The following MYO16 variants were observed in gnomAD, a reference collection of about 807,000 sequenced individuals.
MYO16 encodes the protein unconventional myosin-XVI.
In MYO16, 94 loss-of-function variants were observed where a neutral mutation model predicts 205.3. The ratio of observed to expected loss-of-function variants is 0.46; its 90% confidence interval spans 0.39 to 0.54. MYO16 has a LOEUF of 0.54. MYO16 is among the 20% of genes least tolerant of loss of function. The probability of loss-of-function intolerance (pLI) is 0.00; values close to 1 mark genes in which losing one functional copy is unlikely to be tolerated. For missense variants in MYO16, 2,315 were observed against 2,387.5 expected, an observed-to-expected ratio of 0.97 and a Z score of 0.63; for synonymous variants, 988 against 954.0, an observed-to-expected ratio of 1.04 and a Z score of -0.66.
chr13:108,647,849 CA>C (rs1311161175), intron 1 of MYO16, among the ~76,000 whole-genome samples: 2 of 152,140 alleles, frequency 1.3e-5, no homozygotes. Flanking sequence ...TTGCATATAG[CA>C]AATTCCAAAT....
chr13:108,759,775 G>C (rs1048128112), intron 4 of MYO16, among the ~76,000 whole-genome samples: 3 of 149,600 alleles, frequency 2.0e-5, no homozygotes, highest in Non-Finnish European at 3.0e-5. Context: ...AGCCGAGATC[G>C]CGCCACTGCA....
At chr13:108,726,423 G>A (rs1294497528) in intron 3 of MYO16, among the ~76,000 whole-genome samples, 1 of 151,968 alleles carries the variant, frequency 6.6e-6, no homozygotes, top group Non-Finnish European at 1.5e-5. Flanking sequence ...GCTGGGTGTG[G>A]TGGCATGCAC....
At chr13:109,001,930 C>CTT (rs1885226902) in intron 21 of MYO16, among the ~76,000 whole-genome samples, 1 of 151,514 alleles carries the variant, frequency 6.6e-6, no homozygotes, top group Non-Finnish European at 1.5e-5. Context: ...CTCTCTCTCT[C>CTT]TGTGTGTCTG....
chr13:108,787,898 C>G (rs1429879088), intron 5 of MYO16, among the ~76,000 whole-genome samples: 2 of 152,182 alleles, frequency 1.3e-5, no homozygotes, highest in Non-Finnish European at 2.9e-5. Flanking sequence ...GGTCTTCCTC[C>G]CACTATCTCC....
At chr13:109,056,261 G>A (rs1887415783) in intron 27 of MYO16, among the ~76,000 whole-genome samples, 1 of 152,050 alleles carries the variant, frequency 6.6e-6, no homozygotes, top group African/African-American at 2.4e-5. Flanking sequence ...CTCTTGTCAC[G>A]TGTCCTCATC....
chr13:109,173,055 G>A (rs1405078178), intron 33 of MYO16, among the ~76,000 whole-genome samples: 1 of 152,224 alleles, frequency 6.6e-6, no homozygotes, highest in Non-Finnish European at 1.5e-5. Flanking sequence ...GAGTTCAGGG[G>A]AAGGGTCTAT....
chr13:108,683,346 C>T (rs1239587684), intron 2 of MYO16, among the ~76,000 whole-genome samples: 1 of 152,120 alleles, frequency 6.6e-6, no homozygotes, highest in Non-Finnish European at 1.5e-5. Flanking sequence ...CCTTTCCTTC[C>T]TTCCTCCTGT....
chr13:108,787,202 G>A (rs993201088), intron 5 of MYO16, among the ~76,000 whole-genome samples: 1 of 152,028 alleles, frequency 6.6e-6, no homozygotes, highest in Non-Finnish European at 1.5e-5. Flanking sequence ...TGAAGGTGAT[G>A]GATATATTTA....
intron 4 of MYO16, among the ~76,000 whole-genome samples, chr13:108,735,850 T>C (rs1017255606): frequency 6.6e-6 from 1 of 152,036 alleles, no homozygotes; most frequent in East Asian, 1.9e-4. Flanking sequence ...TGGTGTGAGA[T>C]GGTATCTCAT....
upstream of MYO16, among the ~76,000 whole-genome samples, chr13:108,627,098 A>T (rs1444077453): frequency 6.6e-6 from 1 of 151,088 alleles, no homozygotes; most frequent in Non-Finnish European, 1.5e-5. Context: ...TACCATTTTT[A>T]AAAAATTTTA....
chr13:109,141,326 G>C lies in MYO16; in HGVS notation c.5114G>C (p.Arg1705Thr). ...CTCGCCAGCCTCTTCAACTCGGGGA[G>C]GAGTGTGCTTCGGAAATCCGCGGCG... ...DELASLFNSGRSVLRKSAAGR... is the reference protein window; with the variant it reads ...DELASLFNSGTSVLRKSAAGR... Residue 1705 changes from arginine to threonine, a missense_variant, in exon 32 of 35, where the codon AGG becomes ACG. Around this residue, in one of 3 missense-constraint regions of MYO16, gnomAD observed 1,097 missense variants for 1,092.0 expected, o/e 1.00. Transcript: ENST00000457511. The surrounding 1 kb of genome is among the most constrained non-coding windows in gnomAD (Gnocchi z 4.1). 6.4e-7 allele frequency: 1 copy of C among 1,571,140 alleles called. No homozygotes were observed. The highest frequency in any genetic ancestry group is 8.6e-7 in the Non-Finnish European group (1 of 1,162,174).
chr13:108,870,631 T>C (rs200105717), intron 12 of MYO16, among the ~76,000 whole-genome samples: 2 of 119,040 alleles, frequency 1.7e-5, no homozygotes, highest in African/African-American at 6.1e-5. Flanking sequence ...AATTATGTTA[T>C]ATTTAATCTT....
At chr13:108,525,590 G>A in the MYO16 span, among the ~76,000 whole-genome samples, 1 of 152,156 alleles carries the variant, frequency 6.6e-6, no homozygotes, top group Non-Finnish European at 1.5e-5. Context: ...TGTTTAGGGG[G>A]CAAAATCACC....
At chr13:109,048,193 GTGTGTGTGTA>G (rs1887112552) in intron 24 of MYO16, 1 of 392,236 alleles carries the variant, frequency 2.5e-6, no homozygotes, top group Admixed American at 4.1e-5. Flanking sequence ...GTGTGTGTGT[GTGTGTGTGTA>G]TTTAGAATGA....
intron 23 of MYO16, among the ~76,000 whole-genome samples, chr13:109,045,795 A>G (rs1887022400): frequency 6.6e-6 from 1 of 152,166 alleles, no homozygotes; most frequent in Non-Finnish European, 1.5e-5. Flanking sequence ...CCCTTTCTTC[A>G]TAGTTTCTTC....
At chr13:108,968,887 G>T in intron 20 of MYO16, among the ~76,000 whole-genome samples, 1 of 152,160 alleles carries the variant, frequency 6.6e-6, no homozygotes, top group East Asian at 1.9e-4. Flanking sequence ...CCTTGTCCAG[G>T]CTTCCTCCTA....
At chr13:108,862,117 G>A (rs889256400) in intron 11 of MYO16, among the ~76,000 whole-genome samples, 3 of 152,088 alleles carry the variant, frequency 2.0e-5, no homozygotes, top group Admixed American at 6.6e-5. Context: ...CCATAATTTA[G>A]AATGTTGAAA....
At chr13:109,106,301 A>C (rs1889120867) in intron 28 of MYO16, among the ~76,000 whole-genome samples, 1 of 152,196 alleles carries the variant, frequency 6.6e-6, no homozygotes, top group Non-Finnish European at 1.5e-5. Flanking sequence ...GTTATTATTC[A>C]GGTATTTTCC....
At chr13:109,066,916 G>A (rs142483550) in intron 27 of MYO16, among the ~76,000 whole-genome samples, 1,822 of 152,254 alleles carry the variant, frequency 0.012, 22 homozygotes, top group South Asian at 0.033. Context: ...TGGCTGTTTC[G>A]TTTCATAATC....
Sources: gnomAD v4.1 joint callset for allele counts (sites outside exome capture counted in the v4.1 genomes callset) on GRCh38, gnomAD v4.1.1 for gene constraint, gnomAD v4.1.1 regional missense constraint, Gnocchi (gnomAD v3.1) non-coding constraint, MANE v1.5 for transcripts, NCBI Gene and HGNC (gene_info 2026-07-23, HGNC 2026-07-21) for gene names.